KLF12: variants seen among roughly 807,000 people sequenced by gnomAD.
The protein encoded by KLF12 is KLF transcription factor 12, also known as Krueppel-like factor 12.
In KLF12, 9 loss-of-function variants were observed where a neutral mutation model predicts 37.8. The observed-to-expected ratio is 0.24, with a 90% CI of 0.14 to 0.42. KLF12 has a LOEUF of 0.42. KLF12 is among the 10% of genes least tolerant of loss of function. The pLI is 1.00. For synonymous variants in KLF12, 208 were observed against 202.1 expected (o/e 1.03, Z -0.25); for missense variants, 411 against 516.0 (o/e 0.80, Z 1.97).
At chr13:73,864,050 G>T (rs1236321852) in intron 3 of KLF12, among the ~76,000 whole-genome samples, 1 of 152,074 alleles carries the variant, frequency 6.6e-6, no homozygotes, top group African/African-American at 2.4e-5. Flanking sequence ...TGATTCTACA[G>T]TTTTCCATTA....
At chr13:74,279,076 A>T in the KLF12 span, among the ~76,000 whole-genome samples, 9 of 152,114 alleles carry the variant, frequency 5.9e-5, no homozygotes, top group African/African-American at 2.2e-4. Flanking sequence ...CTTTGACTAC[A>T]TCCATGTACT....
intron 6 of KLF12, among the ~76,000 whole-genome samples, chr13:73,757,104 C>A (rs1879222767): frequency 6.6e-6 from 1 of 152,114 alleles, no homozygotes; most frequent in Admixed American, 6.6e-5. Context: ...CAATCCTATG[C>A]ATGTAACAAA....
chr13:73,859,202 A>G (rs1040972068), intron 3 of KLF12, among the ~76,000 whole-genome samples: 38 of 152,178 alleles, frequency 2.5e-4, no homozygotes, highest in African/African-American at 7.0e-4. Context: ...CAGGTTCACA[A>G]AAGTCTGTGG....
chr13:73,753,774 G>T (rs1452771172), intron 6 of KLF12, among the ~76,000 whole-genome samples: 2 of 152,090 alleles, frequency 1.3e-5, no homozygotes, highest in African/African-American at 4.8e-5. Flanking sequence ...TACAGGCTAG[G>T]AGAAAATAAA....
chr13:73,948,488 G>A (rs1890526539), intron 2 of KLF12, among the ~76,000 whole-genome samples: 1 of 152,248 alleles, frequency 6.6e-6, no homozygotes, highest in South Asian at 2.1e-4. Context: ...CAAAGTGCTG[G>A]GAATACAGGC....
chr13:73,866,293 C>T (rs1257555416), intron 3 of KLF12, among the ~76,000 whole-genome samples: 1 of 152,000 alleles, frequency 6.6e-6, no homozygotes, highest in Non-Finnish European at 1.5e-5. Context: ...ACAAGACACA[C>T]AGGAAAGGTA....
chr13:74,014,144 CAG>C (rs1892623464), intron 1 of KLF12, among the ~76,000 whole-genome samples: 1 of 152,158 alleles, frequency 6.6e-6, no homozygotes, highest in African/African-American at 2.4e-5. Flanking sequence ...GAGTTCTTGT[CAG>C]CACAAGGCCA....
chr13:73,855,458 G>A (rs565625304), intron 3 of KLF12, among the ~76,000 whole-genome samples: 3 of 152,114 alleles, frequency 2.0e-5, no homozygotes, highest in Non-Finnish European at 4.4e-5. Flanking sequence ...AGTATTCCAC[G>A]GTGTATATGT....
intron 1 of KLF12, among the ~76,000 whole-genome samples, chr13:74,089,793 C>A (rs1593890715): frequency 2.8e-5 from 3 of 106,972 alleles, no homozygotes; most frequent in Non-Finnish European, 5.4e-5. Flanking sequence ...CACGACGTAA[C>A]ATGCAGGGGG....
the KLF12 span, among the ~76,000 whole-genome samples, chr13:74,234,398 T>G: frequency 1.3e-5 from 2 of 152,172 alleles, no homozygotes; most frequent in Non-Finnish European, 2.9e-5. Context: ...GTGGCTTAAT[T>G]TTTTTCTGAA....
chr13:73,738,092 CAT>C (rs778759106), intron 6 of KLF12, among the ~76,000 whole-genome samples: 14,439 of 114,774 alleles, frequency 0.13, 1,058 homozygotes, highest in East Asian at 0.24. Flanking sequence ...TGTATGTGTA[CAT>C]ATATATATAT....
At chr13:74,024,151 G>T (rs775939821) in intron 1 of KLF12, among the ~76,000 whole-genome samples, 7 of 152,124 alleles carry the variant, frequency 4.6e-5, no homozygotes, top group Non-Finnish European at 7.4e-5. Flanking sequence ...CATATACAGG[G>T]TTATCACATA....
intron 1 of KLF12, among the ~76,000 whole-genome samples, chr13:74,066,188 T>C (rs1204699377): frequency 2.0e-5 from 3 of 152,230 alleles, no homozygotes; most frequent in Admixed American, 6.5e-5. Flanking sequence ...ACCCAACATC[T>C]GTGGGTTTCA....
chr13:73,995,279 G>C (rs748230793), intron 1 of KLF12, among the ~76,000 whole-genome samples: 7 of 152,092 alleles, frequency 4.6e-5, no homozygotes, highest in Non-Finnish European at 8.8e-5. Context: ...ACTAGGACAA[G>C]ATCCTGGGCA....
At chr13:73,717,867 G>GT (rs1875933666) in intron 6 of KLF12, among the ~76,000 whole-genome samples, 2 of 152,198 alleles carry the variant, frequency 1.3e-5, no homozygotes, top group African/African-American at 4.8e-5. Flanking sequence ...CCATGAACAA[G>GT]TAAGACTGTG....
At chr13:74,148,403 CTTTTT>C in the KLF12 span, among the ~76,000 whole-genome samples, 13 of 73,496 alleles carry the variant, frequency 1.8e-4, no homozygotes, top group Admixed American at 2.3e-4. Context: ...CAAAACTGCT[CTTTTT>C]TTTTTTTTTT....
chr13:73,730,238 C>G (rs556627881), intron 6 of KLF12, among the ~76,000 whole-genome samples: 3 of 152,300 alleles, frequency 2.0e-5, no homozygotes, highest in African/African-American at 7.2e-5. Flanking sequence ...AGGCTCTTTG[C>G]ATCTTGCTGG....
chr13:74,186,198 T>A, the KLF12 span, among the ~76,000 whole-genome samples: 4,920 of 152,306 alleles, frequency 0.032, 251 homozygotes, highest in African/African-American at 0.11. Context: ...GAGATTTTTT[T>A]TTCTTAGGAG....
intron 1 of KLF12, among the ~76,000 whole-genome samples, chr13:74,048,299 C>T (rs898115841): frequency 5.3e-5 from 8 of 152,094 alleles, no homozygotes; most frequent in South Asian, 2.1e-4. Flanking sequence ...TCTATTGTCA[C>T]GGAAGAAGAA....
Sources: allele counts gnomAD v4.1 joint callset (sites outside exome capture counted in the v4.1 genomes callset), GRCh38; gene constraint gnomAD v4.1.1; transcripts MANE v1.5; gene names NCBI Gene and HGNC (gene_info 2026-07-23, HGNC 2026-07-21).